Variants in NAV3 observed in about 807,000 individuals in gnomAD.
The protein encoded by NAV3 is pore membrane and/or filament interacting like protein 1.
In NAV3, 87 loss-of-function variants were observed where a neutral mutation model predicts 244.7. That is an observed-to-expected ratio of 0.36 (90% CI 0.30 to 0.42). The LOEUF (loss-of-function observed/expected upper bound fraction) is 0.42. Ranked by LOEUF, NAV3 falls within the 20% of genes least tolerant of loss-of-function variation. The pLI is 1.00. For missense variants in NAV3, 2,663 were observed against 2,893.3 expected, an observed-to-expected ratio of 0.92 and a Z score of 1.83; for synonymous variants, 1,126 against 1,042.2, an observed-to-expected ratio of 1.08 and a Z score of -1.55.
intron 2 of NAV3, among the ~76,000 whole-genome samples, chr12:77,655,317 C>T (rs1873040346): frequency 6.6e-6 from 1 of 152,034 alleles, no homozygotes; most frequent in Non-Finnish European, 1.5e-5. Context: ...ATGCAGAAGC[C>T]TTAGGAGCCG....
At chr12:77,780,650 A>G (rs1354857258) in intron 2 of NAV3, among the ~76,000 whole-genome samples, 2 of 152,144 alleles carry the variant, frequency 1.3e-5, no homozygotes, top group African/African-American at 4.8e-5. Context: ...CCAACCCCCA[A>G]CAGGGACTGT....
At chr12:77,845,307 G>A (rs1318332876) in intron 1 of NAV3, among the ~76,000 whole-genome samples, 2 of 152,196 alleles carry the variant, frequency 1.3e-5, no homozygotes, top group African/African-American at 2.4e-5. Context: ...TTGGGGCTCA[G>A]TGCAGTCTGG....
chr12:77,899,882 T>G (rs937608954), intron 1 of NAV3, among the ~76,000 whole-genome samples: 1 of 152,188 alleles, frequency 6.6e-6, no homozygotes, highest in African/African-American at 2.4e-5. Flanking sequence ...CTTTATTTAT[T>G]AATCGTTTTA....
intron 2 of NAV3, among the ~76,000 whole-genome samples, chr12:77,644,597 A>G (rs868185299): frequency 2.6e-5 from 4 of 152,094 alleles, no homozygotes; most frequent in Non-Finnish European, 4.4e-5. Flanking sequence ...GCTCTTAAAA[A>G]ATATTTTTTT....
At chr12:78,197,188 C>G in intron 34 of NAV3, 59 bp from the exon 35 acceptor site, 2 of 1,308,248 alleles carry the variant, frequency 1.5e-6, no homozygotes, top group Non-Finnish European at 2.0e-6. Flanking sequence ...AAAATATTAA[C>G]TGCTTCCTAT....
chr12:78,146,405 TA>T lies in NAV3; in HGVS notation c.4707+14del. The T allele has an allele frequency of 1.1e-6, 1 of 924,300 alleles. No homozygotes were observed. The highest frequency in any genetic ancestry group is 1.6e-6 in the Non-Finnish European group (1 of 641,046). 57.3% of individuals were successfully genotyped at this position (924,300 alleles called of 1,614,324 possible). On this transcript the variant is annotated intron_variant, in intron 21 of 39. Transcript: ENST00000397909. ...GGCTCATTCAGAGGTAAAAAAAAAA[TA>T]TGCAATATTTTAATATTTTCTATTT...
Position 77,779,268 on chromosome 12 carries a change from G to A in NAV3, c.73-161051G>A, listed in dbSNP as rs1288636735. On this transcript the variant is annotated intron_variant, in intron 2 of 8. Coordinates refer to the NAV3 transcript ENST00000550042. ...ATCAAAATTTTGGCTTCTGCACATCGGTTGGGTGAAACCAGCACTGAAATA... is the reference window on the plus strand; with the variant it reads ...ATCAAAATTTTGGCTTCTGCACATCAGTTGGGTGAAACCAGCACTGAAATA... Among the ~76,000 whole-genome samples, 5 of 152,112 alleles carry A rather than the reference G, an allele frequency of 3.3e-5. No individual in the cohort carries two copies. The East Asian group carries it at 5.8e-4, about 18-fold the overall frequency.
chr12:77,722,063 A>C (rs1378859188), intron 2 of NAV3, among the ~76,000 whole-genome samples: 1 of 152,116 alleles, frequency 6.6e-6, no homozygotes, highest in East Asian at 1.9e-4. Flanking sequence ...TGAAAACCCC[A>C]ACTCAATTTT....
At chr12:77,955,334 A>G (rs1891265993) in intron 3 of NAV3, among the ~76,000 whole-genome samples, 1 of 152,120 alleles carries the variant, frequency 6.6e-6, no homozygotes, top group Non-Finnish European at 1.5e-5. Context: ...CTCCTTCAGC[A>G]AAACCTTCCT....
At chr12:77,771,588 A>T (rs1338888820) in intron 2 of NAV3, among the ~76,000 whole-genome samples, 1 of 152,228 alleles carries the variant, frequency 6.6e-6, no homozygotes, top group Non-Finnish European at 1.5e-5. Context: ...GCAGCCATAA[A>T]AATGATGAGT....
At chr12:77,572,169 A>G (rs181884876) in exon 2 of NAV3, 2 of 154,446 alleles carry the variant, frequency 1.3e-5, no homozygotes, top group Admixed American at 1.3e-4. Flanking sequence ...AAGAGATTCC[A>G]TTTTGAAGGG....
Position 77,929,980 on chromosome 12 carries a change from A to C in NAV3, c.244-10339A>C, listed in dbSNP as rs145119855. Among the ~76,000 whole-genome samples, 348 of 152,116 alleles carry C rather than the reference A, an allele frequency of 2.3e-3. 1 individual carries two copies. The highest frequency in any genetic ancestry group is 8.2e-3 in the African/African-American group (340 of 41,528). On this transcript the variant is annotated intron_variant, in intron 1 of 39. Coordinates refer to ENST00000397909, the MANE Select transcript of NAV3 (RefSeq NM_001024383.2). ...CTTTATTTTTAAATGAATGATTTTC[A>C]TTGTTATTAGACTATTAAAATAAAA...
intron 12 of NAV3, among the ~76,000 whole-genome samples, chr12:78,079,155 C>G (rs112969846): frequency 3.9e-5 from 6 of 152,188 alleles, no homozygotes; most frequent in Non-Finnish European, 7.3e-5. Context: ...ACTGTCACAG[C>G]ATGAAGAACT....
chr12:78,017,787 A>G (rs1876476211), intron 8 of NAV3, among the ~76,000 whole-genome samples: 1 of 152,166 alleles, frequency 6.6e-6, no homozygotes, highest in African/African-American at 2.4e-5. Context: ...GGTACAAATC[A>G]TGCATAAAAA....
chr12:78,114,635 C>T (rs1197656633), intron 12 of NAV3, among the ~76,000 whole-genome samples: 1 of 152,120 alleles, frequency 6.6e-6, no homozygotes, highest in Admixed American at 6.5e-5. Context: ...TACCTCCCAA[C>T]GGGTTCCTCC....
In NAV3 at chr12:78,187,369, C is replaced by T. The variant is rs115669066; in HGVS notation, c.5791-879C>T. Among the ~76,000 whole-genome samples the T allele has an allele frequency of 6.8e-3, 1,027 of 151,808 alleles. 14 individuals carry two copies. Among genetic ancestry groups the T allele is most frequent in the African/African-American group, 0.024 (979 of 41,452 alleles). On this transcript the variant is annotated intron_variant, in intron 31 of 39. Coordinates refer to ENST00000397909, the MANE Select transcript of NAV3 (RefSeq NM_001024383.2). ...ATGACTCAGTGATTATTCTACCACC[C>T]GTTAATGATAACATACTTGGTGACT...
chr12:77,679,804 C>T (rs1874371711), intron 2 of NAV3, among the ~76,000 whole-genome samples: 1 of 151,934 alleles, frequency 6.6e-6, no homozygotes, highest in Admixed American at 6.6e-5. Flanking sequence ...GTCAAGTGAC[C>T]CAGAAAAATC....
intron 5 of NAV3, among the ~76,000 whole-genome samples, chr12:77,981,468 A>G (rs1205942099): frequency 6.6e-6 from 1 of 152,174 alleles, no homozygotes; most frequent in Non-Finnish European, 1.5e-5. Context: ...CATAGGACAC[A>G]TAAAGAAATT....
chr12:77,901,944 G>T (rs1005996914), intron 1 of NAV3, among the ~76,000 whole-genome samples: 2 of 152,126 alleles, frequency 1.3e-5, no homozygotes, highest in African/African-American at 4.8e-5. Flanking sequence ...TGTAACAATA[G>T]TTGTCCACCA....
Sources: allele counts gnomAD v4.1 joint callset (sites outside exome capture counted in the v4.1 genomes callset), GRCh38; gene constraint gnomAD v4.1.1; transcripts MANE v1.5; gene names NCBI Gene and HGNC (gene_info 2026-07-23, HGNC 2026-07-21).